The following PROM1 variants were observed in gnomAD, a reference collection of about 807,000 sequenced individuals.
PROM1 encodes the protein prominin-1.
PROM1 carries 105 observed loss-of-function variants against 116.9 expected under a neutral mutation model. The ratio of observed to expected loss-of-function variants is 0.90; its 90% confidence interval spans 0.77 to 1.06. PROM1 has a LOEUF of 1.06. Among genes scored for constraint, PROM1 ranks in the 50% least tolerant of loss-of-function variants. The probability of loss-of-function intolerance (pLI) is 0.00; values close to 1 mark genes in which losing one functional copy is unlikely to be tolerated. For synonymous variants in PROM1, 393 were observed against 387.0 expected (o/e 1.02, Z -0.18); for missense variants, 1,122 against 1,045.2 (o/e 1.07, Z -1.01).
chr4:15,985,529 A>C, intron 22 of PROM1: 1 of 488,936 alleles, frequency 2.0e-6, no homozygotes, highest in Non-Finnish European at 3.6e-6. Flanking sequence ...GGGGGTGGGA[A>C]GCAAATGGAA....
chr4:16,069,823 C>T (rs1282728023), intron 2 of PROM1, among the ~76,000 whole-genome samples: 4 of 152,144 alleles, frequency 2.6e-5, no homozygotes, highest in Non-Finnish European at 5.9e-5. Flanking sequence ...ACATTCAGAA[C>T]GACTCTGGGT....
At chr4:16,054,433 GT>G in intron 2 of PROM1, among the ~76,000 whole-genome samples, 1 of 152,200 alleles carries the variant, frequency 6.6e-6, no homozygotes, top group African/African-American at 2.4e-5. Flanking sequence ...TACATCTGCT[GT>G]TCTAGCATAA....
chr4:16,013,420 C>G (rs763822017), intron 10 of PROM1, 82 bp from the exon 11 acceptor site: 3 of 922,028 alleles, frequency 3.3e-6, no homozygotes, highest in South Asian at 1.4e-5. Flanking sequence ...CAACTCAGTA[C>G]GAGTAGAGAG....
At chr4:15,990,815 C>T (rs1004096267) in intron 18 of PROM1, among the ~76,000 whole-genome samples, 6 of 152,242 alleles carry the variant, frequency 3.9e-5, no homozygotes, top group Non-Finnish European at 5.9e-5. Flanking sequence ...CACTCATTTT[C>T]TAGCTATTTC....
In PROM1 at chr4:16,030,114, G is replaced by A. The variant is rs376504412; in HGVS notation, c.509+3190C>T. Among the ~76,000 whole-genome samples, 6 of 152,132 alleles carry A rather than the reference G, an allele frequency of 3.9e-5. No individual in the cohort carries two copies. The East Asian group carries it at 5.8e-4, about 15-fold the overall frequency. ...AGCTTGGATTACTTGCAAACAATAT[G>A]TAGGTATTATGCAACTCATGATGTT... is the stretch of plus-strand genomic sequence containing the variant. On this transcript the variant is annotated intron_variant, in intron 5 of 27. Transcript: ENST00000447510.
At chr4:16,070,595 C>A (rs1742580405) in intron 2 of PROM1, among the ~76,000 whole-genome samples, 1 of 152,158 alleles carries the variant, frequency 6.6e-6, no homozygotes. Context: ...ATCAAATGAG[C>A]AAACACTTAG....
At chr4:15,989,906 G>T in intron 18 of PROM1, 82 bp from the exon 19 acceptor site, 1 of 1,095,472 alleles carries the variant, frequency 9.1e-7, no homozygotes, top group Non-Finnish European at 1.3e-6. Flanking sequence ...GCCCTGTGTA[G>T]CCAGGAGGGC....
intron 11 of PROM1, among the ~76,000 whole-genome samples, chr4:16,011,599 A>T (rs565876493): frequency 1.3e-5 from 2 of 152,226 alleles, no homozygotes; most frequent in Non-Finnish European, 2.9e-5. Flanking sequence ...GGCTGCATGT[A>T]TGGGCAGGAG....
intron 2 of PROM1, among the ~76,000 whole-genome samples, chr4:16,057,243 C>A (rs746449050): frequency 1.7e-4 from 26 of 152,202 alleles, no homozygotes; most frequent in Non-Finnish European, 1.9e-4. Context: ...TGGAAGCCTG[C>A]TGTCCAAATC....
chr4:15,984,287 CAGAA>C lies in PROM1; in HGVS notation c.2345_2348del (p.Phe782CysfsTer9). 2.5e-6 allele frequency: 4 copies of C among 1,607,180 alleles called. No homozygotes were observed. The highest frequency in any genetic ancestry group is 3.4e-6 in the Non-Finnish European group (4 of 1,175,638). On this transcript the variant is annotated frameshift_variant, in exon 23 of 28. Transcript: ENST00000447510. LOFTEE classifies it high-confidence loss of function. ...CCAAGGGGTCGATAATGTAGCTACA[CAGAA>C]AGACATCAACAGCAGTATCTAGAGC...
chr4:15,985,108 G>T (rs189235694), intron 22 of PROM1, among the ~76,000 whole-genome samples: 1 of 152,132 alleles, frequency 6.6e-6, no homozygotes, highest in African/African-American at 2.4e-5. Flanking sequence ...ATGGATAGTT[G>T]TACCTTTACT....
In PROM1 at chr4:16,075,757, T is replaced by A. The variant is rs1743825556; in HGVS notation, c.150A>T (p.Gly50=). ...CTAGTTCAAAGAGAATGCCAATGGG[T>A]CCAGCTTTATGGGAGTCTTGGGTCT... ...NYETQDSHKA[G]PIGILFELVH... is the part of the protein sequence containing the mutation. Residue 50 remains glycine, a synonymous_variant, in exon 2 of 28, where the codon GGA becomes GGT. Transcript: ENST00000447510. 1.2e-6 allele frequency: 2 copies of A among 1,613,686 alleles called. No individual in the cohort carries two copies. Among genetic ancestry groups the A allele is most frequent in the African/African-American group, 2.7e-5 (2 of 74,916 alleles).
chr4:15,995,304 G>C (rs1266997958), intron 15 of PROM1, among the ~76,000 whole-genome samples: 2 of 150,428 alleles, frequency 1.3e-5, no homozygotes, highest in Admixed American at 6.7e-5. Context: ...TGGAAGGAGA[G>C]AGAGAGAGAG....
intron 13 of PROM1, among the ~76,000 whole-genome samples, chr4:16,002,444 C>A (rs1724113324): frequency 6.6e-6 from 1 of 152,118 alleles, no homozygotes; most frequent in African/African-American, 2.4e-5. Flanking sequence ...CTGGTGCACA[C>A]TAGGAAGGAG....
chr4:15,988,334 G>A (rs577366609), intron 19 of PROM1, among the ~76,000 whole-genome samples: 1 of 152,344 alleles, frequency 6.6e-6, no homozygotes, highest in South Asian at 2.1e-4. Context: ...TTAAAGCAGA[G>A]CCTGCCCCGC....
chr4:16,017,484 A>G (rs1728681547), intron 9 of PROM1, among the ~76,000 whole-genome samples: 1 of 152,248 alleles, frequency 6.6e-6, no homozygotes, highest in Non-Finnish European at 1.5e-5. Flanking sequence ...AATGAAATGT[A>G]AAAGTAAGAA....
At chr4:16,063,604 T>C (rs796595850) in intron 2 of PROM1, among the ~76,000 whole-genome samples, 3 of 152,008 alleles carry the variant, frequency 2.0e-5, no homozygotes, top group African/African-American at 7.2e-5. Flanking sequence ...TCAAACAAAA[T>C]AATAATAATA....
chr4:16,024,383 C>A (rs766397907), intron 6 of PROM1, 25 bp from the exon 7 acceptor site: 25 of 1,592,588 alleles, frequency 1.6e-5, no homozygotes, highest in Non-Finnish European at 5.1e-6. Flanking sequence ...TTCTGTGAAA[C>A]CTCCCCTTCT....
chr4:15,991,246 A>T lies in PROM1; in HGVS notation c.1959T>A (p.Asp653Glu). ...AGVNLLSFAY[D>E]LEAKANSLPP... ...CCAAACTGTTTGCTTTTGCTTCTAG[A>T]TCATATGCAAATGATAAAAGATTCA... The change falls in exon 18 of 28, where the codon GAT becomes GAA. Residue 653 changes from aspartate to glutamate, a missense_variant. Coordinates refer to ENST00000447510, the MANE Select transcript of PROM1 (RefSeq NM_006017.3). 6.2e-7 allele frequency: 1 copy of T among 1,608,306 alleles called. No individual in the cohort carries two copies. Among genetic ancestry groups the T allele is most frequent in the Non-Finnish European group, 8.5e-7 (1 of 1,177,986 alleles).
Sources: allele counts gnomAD v4.1 joint callset (sites outside exome capture counted in the v4.1 genomes callset), GRCh38; gene constraint gnomAD v4.1.1; transcripts MANE v1.5; gene names NCBI Gene and HGNC (gene_info 2026-07-23, HGNC 2026-07-21).